The following KDM4C variants were observed in gnomAD, a reference collection of about 807,000 sequenced individuals.
KDM4C encodes the protein lysine-specific demethylase 4C.
Under a neutral mutation model 129.3 loss-of-function variants are expected in KDM4C, and 81 were observed. The ratio of observed to expected loss-of-function variants is 0.63; its 90% CI spans 0.52 to 0.75. The LOEUF (loss-of-function observed/expected upper bound fraction) is 0.75, where lower values mean the gene tolerates loss of function less well. Ranked by LOEUF, KDM4C falls within the 30% of genes least tolerant of loss-of-function variation. KDM4C has a pLI of 0.00. For synonymous variants in KDM4C, 573 were observed against 456.1 expected, an observed-to-expected ratio of 1.26 and a Z score of -3.26; for missense variants, 1,457 against 1,304.0, an observed-to-expected ratio of 1.12 and a Z score of -1.81.
At chr9:6,977,426 A>G (rs1211144642) in intron 8 of KDM4C, among the ~76,000 whole-genome samples, 1 of 152,330 alleles carries the variant, frequency 6.6e-6, no homozygotes, top group African/African-American at 2.4e-5. Flanking sequence ...TTATTCTTCA[A>G]TCCTGAGATT....
chr9:7,150,080 G>T lies in KDM4C; in HGVS notation c.2782-15158G>T, dbSNP rs140536182. Among the ~76,000 whole-genome samples, 99 of 152,288 alleles carry T rather than the reference G, an allele frequency of 6.5e-4. No individual in the cohort carries two copies. In the East Asian group the frequency reaches 0.014, roughly 21 times the overall value. ...GGGCTACAACTCTGTCTCCTGTTTG[G>T]CTACACCACTCAACACGGTCAGTGG... On this transcript the variant is annotated intron_variant, in intron 19 of 21. Coordinates refer to ENST00000381309, the MANE Select transcript of KDM4C (RefSeq NM_015061.6).
rs1822344177 is a variant in KDM4C at position 6,925,593 on chromosome 9, A to C, written c.921+32361A>C. 6 of 985,434 alleles carry C rather than the reference A, an allele frequency of 6.1e-6. No homozygotes were observed. The South Asian group carries it at 1.9e-4, about 31-fold the overall frequency. 61.0% of individuals were successfully genotyped at this position (985,434 alleles called of 1,614,324 possible). On this transcript the variant is annotated intron_variant, in intron 8 of 21. Transcript: ENST00000381309. The stretch of plus-strand genomic sequence containing the variant: ...CAAGTGGGAGCCACCATGCCTGGGC[A>C]GACCCTCAGTTCTAAAACCGTCTTG...
intron 1 of KDM4C, among the ~76,000 whole-genome samples, chr9:6,774,902 G>A (rs1173033061): frequency 6.6e-6 from 1 of 152,084 alleles, no homozygotes; most frequent in Non-Finnish European, 1.5e-5. Flanking sequence ...TTAAAAAAAT[G>A]GATTTGTCTT....
At position 6,981,093 on chromosome 9, in the gene KDM4C, A is replaced by C. The variant is rs1447229349; in HGVS notation, c.1090A>C (p.Arg364=). 1 of 1,612,222 alleles carries C rather than the reference A, an allele frequency of 6.2e-7. No homozygotes were observed. Residue 364 remains arginine, a synonymous_variant, in exon 9 of 22, where the codon AGG becomes CGG. Transcript: ENST00000381309. ...PEVKAWLQRR[R]KVRKASRSFQ... ...AGTAAAAGCATGGCTGCAGAGGAGG[A>C]GGAAAGTAAGAAAAGCATCCCGAAG...
At chr9:6,967,795 A>G (rs1411014646) in intron 8 of KDM4C, among the ~76,000 whole-genome samples, 1 of 152,206 alleles carries the variant, frequency 6.6e-6, no homozygotes. Context: ...AGTACTCCAT[A>G]TCCTGGATTC....
At chr9:6,907,216 G>C (rs553665629) in intron 8 of KDM4C, among the ~76,000 whole-genome samples, 4 of 152,118 alleles carry the variant, frequency 2.6e-5, no homozygotes, top group Non-Finnish European at 5.9e-5. Flanking sequence ...TTAGCATGAA[G>C]CTGTATTTTT....
intron 1 of KDM4C, among the ~76,000 whole-genome samples, chr9:6,787,667 G>T (rs568990562): frequency 6.6e-6 from 1 of 152,228 alleles, no homozygotes; most frequent in Non-Finnish European, 1.5e-5. Context: ...GGTCCAAGCT[G>T]CCGTCTTAAC....
chr9:6,786,017 G>A (rs1825407192), intron 1 of KDM4C, among the ~76,000 whole-genome samples: 1 of 152,236 alleles, frequency 6.6e-6, no homozygotes, highest in African/African-American at 2.4e-5. Flanking sequence ...AGTAGATACT[G>A]AACTGTTCTC....
chr9:7,079,290 TTATA>T (rs1211417178), intron 17 of KDM4C, among the ~76,000 whole-genome samples: 1 of 152,198 alleles, frequency 6.6e-6, no homozygotes, highest in African/African-American at 2.4e-5. Context: ...AATAGCCCCA[TTATA>T]TACATTAATC....
At chr9:6,990,163 G>A (rs756689107) in intron 11 of KDM4C, among the ~76,000 whole-genome samples, 3 of 152,016 alleles carry the variant, frequency 2.0e-5, no homozygotes, top group Non-Finnish European at 4.4e-5. Context: ...AGCCTACCCT[G>A]CCCTACAGCT....
At chr9:6,756,845 A>G (rs1818321326), upstream of KDM4C, among the ~76,000 whole-genome samples, 1 of 152,230 alleles carries the variant, frequency 6.6e-6, no homozygotes, top group Admixed American at 6.5e-5. Context: ...TGTTCACCCC[A>G]GTGAGAAACG....
chr9:6,737,534 G>T (rs375573928), intron 1 of KDM4C, among the ~76,000 whole-genome samples: 1 of 151,384 alleles, frequency 6.6e-6, no homozygotes, highest in Non-Finnish European at 1.5e-5. Flanking sequence ...CATGGTGGCA[G>T]GCACCTGTAA....
At chr9:6,997,301 G>A (rs2131994494) in intron 12 of KDM4C, among the ~76,000 whole-genome samples, 1 of 152,210 alleles carries the variant, frequency 6.6e-6, no homozygotes, top group South Asian at 2.1e-4. Flanking sequence ...AAACTAAAGG[G>A]CCCCTCAGAC....
chr9:7,029,675 T>G (rs1049756196), intron 15 of KDM4C, among the ~76,000 whole-genome samples: 13 of 152,320 alleles, frequency 8.5e-5, no homozygotes, highest in African/African-American at 2.9e-4. Context: ...TTGGTAGATG[T>G]TTCTCTCCAG....
Position 7,162,605 on chromosome 9 carries a change from C to T in KDM4C, c.2782-2633C>T, listed in dbSNP as rs530873878. Among the ~76,000 whole-genome samples, 22 of 152,286 alleles carry T rather than the reference C, an allele frequency of 1.4e-4. No homozygotes were observed. In the East Asian group the frequency reaches 4.1e-3, roughly 28 times the overall value. On this transcript the variant is annotated intron_variant, in intron 19 of 21. Transcript: ENST00000381309. ...ATGCAATTTATGCTTGTCCAGTCCA[C>T]GTTTCCATGTCCCTCAGCTCTCCTT...
chr9:6,729,460 G>C (rs1817252632), intron 1 of KDM4C, among the ~76,000 whole-genome samples: 1 of 125,792 alleles, frequency 7.9e-6, no homozygotes, highest in Non-Finnish European at 1.6e-5. Context: ...AGGACTGCTT[G>C]AGCCCAGGGG....
chr9:6,739,705 G>A (rs1467467140), intron 1 of KDM4C, among the ~76,000 whole-genome samples: 1 of 148,982 alleles, frequency 6.7e-6, no homozygotes, highest in African/African-American at 2.5e-5. Context: ...CCTTTAAATA[G>A]CCCAGTAAGC....
chr9:6,970,132 T>A (rs1252929093), intron 8 of KDM4C, among the ~76,000 whole-genome samples: 1 of 152,228 alleles, frequency 6.6e-6, no homozygotes, highest in Non-Finnish European at 1.5e-5. Flanking sequence ...GAAAGCATCC[T>A]AACGAAGAGA....
intron 17 of KDM4C, among the ~76,000 whole-genome samples, chr9:7,071,699 C>T (rs1049082462): frequency 1.3e-5 from 2 of 152,096 alleles, no homozygotes; most frequent in African/African-American, 4.8e-5. Flanking sequence ...ATGGGTTTTA[C>T]GTCACAAAAG....
Sources: gnomAD v4.1 joint callset for allele counts (sites outside exome capture counted in the v4.1 genomes callset) on GRCh38, gnomAD v4.1.1 for gene constraint, MANE v1.5 for transcripts, NCBI Gene and HGNC (gene_info 2026-07-23, HGNC 2026-07-21) for gene names.